Variants in ZNF469 observed in about 807,000 individuals in gnomAD.
The protein encoded by ZNF469 is zinc finger protein 469.
A neutral mutation model predicts 1.0 loss-of-function variants in ZNF469; 1 was observed. The observed-to-expected ratio is 1.00, with a 90% CI of 0.35 to 4.73. The LOEUF is 4.73. ZNF469 is among the 30% of genes most tolerant of loss of function. The pLI, the probability that ZNF469 is intolerant of heterozygous loss-of-function variation, is 0.16. For synonymous variants in ZNF469, 2,703 were observed against 2,363.4 expected (o/e 1.14, Z -4.17); for missense variants, 6,100 against 5,356.3 (o/e 1.14, Z -4.33).
At chr16:88,354,191 C>T in the ZNF469 span, among the ~76,000 whole-genome samples, 3,208 of 152,284 alleles carry the variant, frequency 0.021, 113 homozygotes, top group African/African-American at 0.073. Context: ...TTCCCTTCTA[C>T]GGGCAGAAAG....
chr16:88,124,110 C>T, the ZNF469 span, among the ~76,000 whole-genome samples: 1 of 152,156 alleles, frequency 6.6e-6, no homozygotes, highest in African/African-American at 2.4e-5. Flanking sequence ...GCCAGTTTCA[C>T]TCATTTTTAT....
chr16:88,248,946 C>T, the ZNF469 span, among the ~76,000 whole-genome samples: 1 of 152,182 alleles, frequency 6.6e-6, no homozygotes. Flanking sequence ...CTGTGTCCCT[C>T]GGCCTCTCTG....
At chr16:88,185,359 A>AC in the ZNF469 span, among the ~76,000 whole-genome samples, 27 of 151,224 alleles carry the variant, frequency 1.8e-4, no homozygotes, top group African/African-American at 6.6e-4. Flanking sequence ...TGCACACACA[A>AC]ACATACCTAT....
chr16:88,149,488 C>T, the ZNF469 span, among the ~76,000 whole-genome samples: 101 of 152,304 alleles, frequency 6.6e-4, no homozygotes, highest in African/African-American at 2.4e-3. Flanking sequence ...CAGAGATGGG[C>T]GCATCCCTGA....
At chr16:88,206,909 G>T in the ZNF469 span, among the ~76,000 whole-genome samples, 1 of 868 alleles carries the variant, frequency 1.2e-3, no homozygotes, top group African/African-American at 4.3e-3. Flanking sequence ...GGGAGGGGAG[G>T]CCGCGGGGAC....
At position 88,436,783 on chromosome 16, in the gene ZNF469, G is replaced by C; in HGVS notation, c.9313G>C (p.Gly3105Arg). 1 of 1,544,966 alleles carries C rather than the reference G, an allele frequency of 6.5e-7. No individual in the cohort carries two copies. ...AAGAGRAQGR[G>R]RPAKGRRASY... ...AGGGGCAGGGAGGGCCCAAGGCAGA[G>C]GCCGGCCGGCCAAGGGCAGGCGGGC... Residue 3105 changes from glycine to arginine, a missense_variant, in exon 3 of 3, where the codon GGC (glycine) becomes CGC (arginine). Transcript: ENST00000565624.
the ZNF469 span, among the ~76,000 whole-genome samples, chr16:88,192,593 G>A: frequency 6.6e-6 from 1 of 152,268 alleles, no homozygotes; most frequent in Non-Finnish European, 1.5e-5. Flanking sequence ...CCGAGGGGCT[G>A]GTCCACAGTC....
the ZNF469 span, among the ~76,000 whole-genome samples, chr16:88,343,447 A>G: frequency 6.6e-6 from 1 of 152,192 alleles, no homozygotes; most frequent in Non-Finnish European, 1.5e-5. Context: ...CAGCCTGCCC[A>G]TCGTGACTTC....
At chr16:88,181,400 G>A in the ZNF469 span, among the ~76,000 whole-genome samples, 2 of 152,294 alleles carry the variant, frequency 1.3e-5, no homozygotes, top group Non-Finnish European at 2.9e-5. Context: ...AATGCACATG[G>A]AGCATTCACC....
the ZNF469 span, among the ~76,000 whole-genome samples, chr16:88,215,199 T>G: frequency 6.6e-6 from 1 of 152,172 alleles, no homozygotes; most frequent in Non-Finnish European, 1.5e-5. Flanking sequence ...TTGCCTTTAA[T>G]GTAATTACTG....
At chr16:88,390,456 G>A (rs1176360223) in intron 1 of ZNF469, among the ~76,000 whole-genome samples, 1 of 152,198 alleles carries the variant, frequency 6.6e-6, no homozygotes, top group African/African-American at 2.4e-5. Context: ...GTCTTCTCCA[G>A]CCAAACAGGA....
At chr16:88,296,352 TCACA>T in the ZNF469 span, among the ~76,000 whole-genome samples, 1 of 152,010 alleles carries the variant, frequency 6.6e-6, no homozygotes, top group Non-Finnish European at 1.5e-5. Context: ...ACACACACAC[TCACA>T]CACACATGCT....
chr16:88,257,343 T>A, the ZNF469 span, among the ~76,000 whole-genome samples: 1 of 152,060 alleles, frequency 6.6e-6, no homozygotes, highest in Non-Finnish European at 1.5e-5. Context: ...TGGCCCACTT[T>A]TTAAATTGGG....
chr16:88,259,967 TTTTTTTTG>T, the ZNF469 span, among the ~76,000 whole-genome samples: 13 of 152,032 alleles, frequency 8.6e-5, no homozygotes, highest in Non-Finnish European at 1.6e-4. The surrounding 1 kb of genome is among the most constrained non-coding windows in gnomAD (Gnocchi z 4.1). Context: ...AAAAGTCACT[TTTTTTTTG>T]TTTTTTTGTT....
At chr16:88,371,272 A>G in the ZNF469 span, among the ~76,000 whole-genome samples, 1 of 152,264 alleles carries the variant, frequency 6.6e-6, no homozygotes, top group East Asian at 1.9e-4. Context: ...CTAAGCACAC[A>G]CAATGCTCCG....
chr16:88,380,351 A>C (rs537446614), upstream of ZNF469, among the ~76,000 whole-genome samples: 1 of 112,840 alleles, frequency 8.9e-6, no homozygotes, highest in South Asian at 2.6e-4. Flanking sequence ...GCTCACACAC[A>C]TGCGCTCACA....
At chr16:88,167,893 C>T in the ZNF469 span, among the ~76,000 whole-genome samples, 5 of 152,190 alleles carry the variant, frequency 3.3e-5, no homozygotes, top group African/African-American at 1.2e-4. Context: ...ATGTTGGCTT[C>T]GAGGAAGGAA....
rs530393871 is a variant in ZNF469, at chr16:88,437,801, G to A, written c.10331G>A (p.Gly3444Glu). ...DRHMNKHLRG[G>E]RQPFAFRGVR... ...CACATGAACAAGCACCTCAGGGGGGGGCGGCAGCCCTTCGCGTTCCGCGGC... is the reference window on the plus strand; with the variant it reads ...CACATGAACAAGCACCTCAGGGGGGAGCGGCAGCCCTTCGCGTTCCGCGGC... Residue 3444 changes from glycine (G) to glutamate (E), a missense_variant, in exon 3 of 3, where the codon GGG becomes GAG. Transcript: ENST00000565624. 43 of 1,545,616 alleles carry A rather than the reference G, an allele frequency of 2.8e-5. No individual in the cohort carries two copies. The South Asian group carries it at 3.7e-4, about 13-fold the overall frequency.
At chr16:88,297,933 A>G in the ZNF469 span, among the ~76,000 whole-genome samples, 4 of 152,178 alleles carry the variant, frequency 2.6e-5, no homozygotes, top group Non-Finnish European at 5.9e-5. Context: ...GACAACTGCC[A>G]TCCTTTGCCT....
Sources: allele counts gnomAD v4.1 joint callset (sites outside exome capture counted in the v4.1 genomes callset), GRCh38; gene constraint gnomAD v4.1.1; non-coding constraint Gnocchi (gnomAD v3.1); transcripts MANE v1.5; gene names NCBI Gene and HGNC (gene_info 2026-07-23, HGNC 2026-07-21).